Variants in RUFY4 observed in about 807,000 individuals in gnomAD.
RUFY4 encodes RUN and FYVE domain containing 4.
RUFY4 carries 73 observed loss-of-function variants against 69.0 expected under a neutral mutation model. The observed-to-expected ratio is 1.06, with a 90% CI of 0.88 to 1.29. The LOEUF (loss-of-function observed/expected upper bound fraction) is 1.29. RUFY4 is among the 50% of genes most tolerant of loss of function. The pLI, the probability that RUFY4 is intolerant of heterozygous loss-of-function variation, is 0.00. For synonymous variants in RUFY4, 287 were observed against 271.8 expected (o/e 1.06, Z -0.55); for missense variants, 770 against 705.6 (o/e 1.09, Z -1.03).
In RUFY4 at chr2:218,072,890, G is replaced by A. The variant is rs1470255975; in HGVS notation, c.386+5G>A. 2.0e-6 allele frequency: 3 copies of A among 1,518,122 alleles called. No individual in the cohort carries two copies. The highest frequency in any genetic ancestry group is 2.5e-5 in the South Asian group (2 of 81,480). 94.0% of individuals were successfully genotyped at this position (1,518,122 alleles called of 1,614,324 possible). A position where few individuals can be genotyped will look rare whatever the true frequency, so the allele number is the denominator to read the frequency against. On this transcript the variant is annotated splice_donor_5th_base_variant and intron_variant, in intron 4 of 10. Coordinates refer to ENST00000344321, the Ensembl canonical transcript of RUFY4. ...CCTGAACTCAGAGCTCACCAGGTGG[G>A]GCTGTTGGGACATCCTCCTGCCGAT... is the stretch of plus-strand genomic sequence containing the variant.
At chr2:218,053,995 A>G (rs1265197862) in intron 2 of RUFY4, among the ~76,000 whole-genome samples, 1 of 152,236 alleles carries the variant, frequency 6.6e-6, no homozygotes, top group Non-Finnish European at 1.5e-5. Context: ...AGAAATCTTC[A>G]TCGTCTAAAG....
At chr2:218,053,700 T>C (rs991930159) in intron 2 of RUFY4, among the ~76,000 whole-genome samples, 1 of 152,124 alleles carries the variant, frequency 6.6e-6, no homozygotes, top group Non-Finnish European at 1.5e-5. Context: ...TTTGTAGAGA[T>C]GGGGTTTCAC....
At chr2:218,083,077 C>A (rs960828243) in intron 8 of RUFY4, 33 bp from the exon 11 acceptor site, 5 of 1,556,470 alleles carry the variant, frequency 3.2e-6, no homozygotes, top group Non-Finnish European at 4.3e-6. Flanking sequence ...TGAGCTTTGC[C>A]CCCTGAGAAC....
intron 8 of RUFY4, among the ~76,000 whole-genome samples, chr2:218,076,835 C>T (rs764667333): frequency 2.0e-5 from 3 of 152,194 alleles, no homozygotes; most frequent in Non-Finnish European, 4.4e-5. Flanking sequence ...CTCCCCTGGG[C>T]AGCTCCTCTC....
At chr2:218,088,065 G>T (rs968330666) in intron 9 of RUFY4, among the ~76,000 whole-genome samples, 1 of 152,090 alleles carries the variant, frequency 6.6e-6, no homozygotes, top group Non-Finnish European at 1.5e-5. Flanking sequence ...GTCAGAAATG[G>T]TTTGCCACTG....
upstream of RUFY4, among the ~76,000 whole-genome samples, chr2:218,065,920 C>A (rs1689313415): frequency 6.6e-6 from 1 of 152,156 alleles, no homozygotes. Context: ...CAGGAGATCA[C>A]CAGGGAGTGT....
At chr2:218,078,400 C>T (rs915589516) in intron 8 of RUFY4, among the ~76,000 whole-genome samples, 1 of 152,114 alleles carries the variant, frequency 6.6e-6, no homozygotes, top group Non-Finnish European at 1.5e-5. Context: ...AACAAAGGCC[C>T]TGATGGAGGA....
rs190519496 is a variant in RUFY4, at chr2:218,060,808, C to T, written c.-1071+2127C>T. The T allele has an allele frequency of 6.9e-4, 1,095 of 1,587,562 alleles. 6 individuals carry two copies. In the African/African-American group the frequency reaches 0.011, roughly 15 times the overall value. On this transcript the variant is annotated intron_variant and NMD_transcript_variant, in intron 3 of 13. Coordinates refer to the RUFY4 transcript ENST00000457754. ...ATCCGTAACAGCATCCACCAGTTTG[C>T]TGTATTGTTGCCCATGTCCTCATAG...
rs113075492 is a variant in RUFY4 at position 218,070,755 on chromosome 2, G to A, written c.49G>A (p.Ala17Thr). ...GACATCTGCCATCCTCCCAGCAGCT[G>A]CCGTCTCTGCCATCCTCCAGGGCTA... Residue 17 changes from alanine (A) to threonine (T), a missense_variant and splice_region_variant, in exon 2 of 11, where the codon GCC (alanine) becomes ACC (threonine). Coordinates refer to ENST00000344321, the Ensembl canonical transcript of RUFY4. 8.2e-4 allele frequency: 1,261 copies of A among 1,536,840 alleles called. No individual in the cohort carries two copies. Among genetic ancestry groups the A allele is most frequent in the Middle Eastern group, 1.0e-3 (6 of 5,988 alleles).
chr2:218,056,654 G>C (rs78969094), intron 2 of RUFY4, among the ~76,000 whole-genome samples: 1 of 152,198 alleles, frequency 6.6e-6, no homozygotes. Context: ...AACTAAATTA[G>C]AGTTGAGTGT....
At chr2:218,037,470 G>C (rs748079990) in intron 2 of RUFY4, among the ~76,000 whole-genome samples, 8 of 152,170 alleles carry the variant, frequency 5.3e-5, no homozygotes, top group Non-Finnish European at 1.2e-4. Context: ...TAATTTGTTT[G>C]CAAAATAAGT....
intron 2 of RUFY4, among the ~76,000 whole-genome samples, chr2:218,038,532 A>T (rs1204194438): frequency 6.6e-6 from 1 of 152,230 alleles, no homozygotes; most frequent in Non-Finnish European, 1.5e-5. Flanking sequence ...ATTACACTTC[A>T]GCAGACATGG....
intron 2 of RUFY4, among the ~76,000 whole-genome samples, chr2:218,052,696 G>A (rs943067733): frequency 6.6e-6 from 1 of 151,162 alleles, no homozygotes; most frequent in Non-Finnish European, 1.5e-5. Context: ...GGGAGTTCAA[G>A]ACCAGCCTGG....
At chr2:218,051,690 G>C (rs1688947592) in intron 2 of RUFY4, among the ~76,000 whole-genome samples, 3 of 151,708 alleles carry the variant, frequency 2.0e-5, no homozygotes, top group Non-Finnish European at 2.9e-5. Context: ...AGGGAGTTTT[G>C]TGTGTGATTA....
Position 218,072,501 on chromosome 2 carries a change from T to C in RUFY4, c.279+2T>C. The C allele has an allele frequency of 4.6e-6, 7 of 1,536,636 alleles. No homozygotes were observed. The highest frequency in any genetic ancestry group is 6.1e-6 in the Non-Finnish European group (7 of 1,146,862). ...CACTTTGTCCGTTCCCAGGACAAGG[T>C]ATCCAGGGCCAGGCAGCAAGAAGGC... On this transcript the variant is annotated splice_donor_variant, in intron 3 of 10. Transcript: ENST00000344321. LOFTEE classifies it high-confidence loss of function.
intron 3 of RUFY4, chr2:218,060,597 G>C (rs780373259): frequency 3.7e-6 from 5 of 1,342,118 alleles, no homozygotes; most frequent in Non-Finnish European, 5.4e-6. Flanking sequence ...TTCCCATGAG[G>C]GTGTCTGCCA....
chr2:218,076,480 G>C lies in RUFY4; in HGVS notation c.1302G>C (p.Gln434His), dbSNP rs746754051. Residue 434 changes from glutamine to histidine, a missense_variant, in exon 8 of 11, where the codon CAG (glutamine) becomes CAC (histidine). Coordinates refer to ENST00000344321, the Ensembl canonical transcript of RUFY4. ...AGGAGCAGGCCCAGCGCCAGGAGCA[G>C]CTGCTGAGGGAGCAGGAGGGGGAGC... 1.2e-5 allele frequency: 19 copies of C among 1,550,738 alleles called. No homozygotes were observed. The South Asian group carries it at 2.0e-4, about 17-fold the overall frequency.
chr2:218,064,772 A>AC (rs200100661), upstream of RUFY4, among the ~76,000 whole-genome samples: 1,341 of 151,132 alleles, frequency 8.9e-3, 24 homozygotes, highest in African/African-American at 0.031. Flanking sequence ...AGACCCTGGC[A>AC]CCCTAGTTTC....
chr2:218,054,945 T>C (rs2106033734), intron 2 of RUFY4, among the ~76,000 whole-genome samples: 1 of 152,338 alleles, frequency 6.6e-6, no homozygotes, highest in Non-Finnish European at 1.5e-5. Context: ...TCAATAAAAT[T>C]CTGTTTCTTT....
Sources: gnomAD v4.1 joint callset for allele counts (sites outside exome capture counted in the v4.1 genomes callset) on GRCh38, gnomAD v4.1.1 for gene constraint, MANE v1.5 for transcripts, NCBI Gene and HGNC (gene_info 2026-07-23, HGNC 2026-07-21) for gene names.